The following DIAPH3 variants were observed in gnomAD, a reference collection of about 807,000 sequenced individuals.
DIAPH3 encodes the protein protein diaphanous homolog 3.
A neutral mutation model predicts 144.3 loss-of-function variants in DIAPH3; 117 were observed. The observed-to-expected ratio is 0.81, with a 90% CI of 0.70 to 0.95. The LOEUF (loss-of-function observed/expected upper bound fraction) is 0.95. DIAPH3 is among the 40% of genes least tolerant of loss of function. DIAPH3 has a pLI of 0.00. For synonymous variants in DIAPH3, 519 were observed against 488.9 expected (o/e 1.06, Z -0.81); for missense variants, 1,421 against 1,412.7 (o/e 1.01, Z -0.09).
Position 59,784,418 on chromosome 13 carries a change from C to G in DIAPH3, c.3164-9595G>C. On this transcript the variant is annotated intron_variant, in intron 25 of 27. Coordinates refer to ENST00000400324, the MANE Select transcript of DIAPH3 (RefSeq NM_001042517.2). ...ATTTTTTGAAGACAGCTCTGTCACC[C>G]AGGCTGGAGTGAAGTGGTGTAATCT... 1.3e-5 allele frequency among the ~76,000 whole-genome samples: 2 copies of G among 150,174 alleles called. 1 individual carries two copies. Among genetic ancestry groups the G allele is most frequent in the East Asian group, 3.9e-4 (2 of 5,070 alleles).
chr13:59,670,948 A>G (rs954386496), intron 27 of DIAPH3, among the ~76,000 whole-genome samples: 1 of 152,118 alleles, frequency 6.6e-6, no homozygotes, highest in African/African-American at 2.4e-5. Context: ...TACCCGCCTC[A>G]GCGTCACAAA....
At chr13:60,040,226 CAAAAAAAAAAAAAA>C (rs5803983) in intron 5 of DIAPH3, among the ~76,000 whole-genome samples, 1 of 34,834 alleles carries the variant, frequency 2.9e-5, no homozygotes, top group Admixed American at 4.7e-4. Flanking sequence ...GACTCCATCT[CAAAAAAAAAAAAAA>C]AAAAAAAAAA....
chr13:59,891,262 C>T (rs139433059), intron 20 of DIAPH3, among the ~76,000 whole-genome samples: 1 of 151,920 alleles, frequency 6.6e-6, no homozygotes, highest in African/African-American at 2.4e-5. Flanking sequence ...CTACAAAATG[C>T]TTTAGGCTGT....
chr13:59,922,375 AC>A (rs1203525086), intron 18 of DIAPH3, among the ~76,000 whole-genome samples: 1 of 152,122 alleles, frequency 6.6e-6, no homozygotes, highest in Non-Finnish European at 1.5e-5. Context: ...AATATAGGAA[AC>A]CAAAACCACT....
At chr13:59,756,796 C>T (rs889368916) in intron 27 of DIAPH3, among the ~76,000 whole-genome samples, 2 of 152,030 alleles carry the variant, frequency 1.3e-5, no homozygotes, top group Non-Finnish European at 2.9e-5. Context: ...ATTTCCAACC[C>T]ATTACTCCAG....
intron 20 of DIAPH3, among the ~76,000 whole-genome samples, chr13:59,906,963 G>GT (rs2046772828): frequency 6.6e-6 from 1 of 152,170 alleles, no homozygotes; most frequent in African/African-American, 2.4e-5. Context: ...AAGAAATGCA[G>GT]TCATAAAACT....
intron 20 of DIAPH3, among the ~76,000 whole-genome samples, chr13:59,880,472 G>T (rs1374284512): frequency 6.6e-6 from 1 of 152,156 alleles, no homozygotes; most frequent in Non-Finnish European, 1.5e-5. Context: ...GTCACAGACT[G>T]TAAAGGAAAG....
At chr13:60,089,811 C>T in intron 4 of DIAPH3, among the ~76,000 whole-genome samples, 1 of 152,178 alleles carries the variant, frequency 6.6e-6, no homozygotes, top group East Asian at 1.9e-4. Flanking sequence ...AGTGAGCCCA[C>T]ACTAAGTGAG....
chr13:60,161,758 C>T (rs974430480), intron 1 of DIAPH3, among the ~76,000 whole-genome samples: 3 of 152,060 alleles, frequency 2.0e-5, no homozygotes, highest in Non-Finnish European at 2.9e-5. Flanking sequence ...TAAGAACAAT[C>T]AAGTAGGAAA....
At chr13:59,931,111 G>A (rs1278620790) in intron 17 of DIAPH3, among the ~76,000 whole-genome samples, 1 of 152,086 alleles carries the variant, frequency 6.6e-6, no homozygotes, top group Admixed American at 6.5e-5. Flanking sequence ...CTTAAAAAAT[G>A]GGAATGTTCT....
intron 2 of DIAPH3, among the ~76,000 whole-genome samples, chr13:60,124,970 A>G (rs2058949353): frequency 6.6e-6 from 1 of 152,166 alleles, no homozygotes; most frequent in Non-Finnish European, 1.5e-5. Context: ...AATCTGCCAG[A>G]GTTTTCCTGG....
At chr13:59,875,624 G>C (rs1018963864) in intron 21 of DIAPH3, among the ~76,000 whole-genome samples, 2 of 152,074 alleles carry the variant, frequency 1.3e-5, no homozygotes, top group Non-Finnish European at 2.9e-5. Flanking sequence ...AATTTCTTAT[G>C]AAGGTTTAAT....
At chr13:59,996,799 G>A (rs2052219624) in intron 9 of DIAPH3, among the ~76,000 whole-genome samples, 1 of 152,036 alleles carries the variant, frequency 6.6e-6, no homozygotes, top group South Asian at 2.1e-4. Flanking sequence ...ATCATTAGAA[G>A]CCGAAAGAGG....
chr13:60,070,787 T>C (rs2057177405), intron 4 of DIAPH3, among the ~76,000 whole-genome samples: 1 of 152,140 alleles, frequency 6.6e-6, no homozygotes, highest in Non-Finnish European at 1.5e-5. Context: ...TACTAGAAAA[T>C]TGGTATTATA....
chr13:59,980,044 T>G (rs1231505844), intron 14 of DIAPH3, among the ~76,000 whole-genome samples: 1 of 151,644 alleles, frequency 6.6e-6, no homozygotes, highest in Non-Finnish European at 1.5e-5. Context: ...GGAAGTTATT[T>G]ATATCCTACT....
At chr13:60,092,303 C>G (rs1314453585) in intron 4 of DIAPH3, among the ~76,000 whole-genome samples, 1 of 151,984 alleles carries the variant, frequency 6.6e-6, no homozygotes, top group Non-Finnish European at 1.5e-5. Flanking sequence ...CATTAAAGGA[C>G]AAAGGCAATT....
intron 27 of DIAPH3, among the ~76,000 whole-genome samples, chr13:59,729,551 G>T (rs1593690373): frequency 1.3e-5 from 2 of 152,032 alleles, no homozygotes; most frequent in African/African-American, 4.8e-5. Flanking sequence ...TGAGATCTTT[G>T]TGGTACTGAA....
At chr13:60,001,446 C>CT (rs1479096025) in intron 9 of DIAPH3, among the ~76,000 whole-genome samples, 3 of 152,222 alleles carry the variant, frequency 2.0e-5, no homozygotes, top group African/African-American at 7.2e-5. Context: ...GTTGGACTGA[C>CT]TGTCTTCAGA....
chr13:59,794,981 G>A (rs2039514557), intron 25 of DIAPH3, among the ~76,000 whole-genome samples: 1 of 152,188 alleles, frequency 6.6e-6, no homozygotes, highest in South Asian at 2.1e-4. Context: ...CATAGTACAT[G>A]CTTTGTAGGT....
Sources: allele counts gnomAD v4.1 joint callset (sites outside exome capture counted in the v4.1 genomes callset), GRCh38; gene constraint gnomAD v4.1.1; transcripts MANE v1.5; gene names NCBI Gene and HGNC (gene_info 2026-07-23, HGNC 2026-07-21).